DLC1: variants seen among roughly 807,000 people sequenced by gnomAD.
DLC1 encodes rho GTPase-activating protein 7.
A neutral mutation model predicts 140.3 loss-of-function variants in DLC1; 54 were observed. The ratio of observed to expected loss-of-function variants is 0.38; its 90% confidence interval spans 0.31 to 0.48. DLC1 has a LOEUF of 0.48. Among genes scored for constraint, DLC1 ranks in the 20% least tolerant of loss-of-function variants. DLC1 has a pLI of 0.96. For missense variants in DLC1, 2,536 were observed against 1,907.0 expected (o/e 1.33, Z -6.14); for synonymous variants, 986 against 728.1 (o/e 1.35, Z -5.70).
At chr8:13,431,373 C>T (rs994706966) in intron 2 of DLC1, among the ~76,000 whole-genome samples, 1 of 149,510 alleles carries the variant, frequency 6.7e-6, no homozygotes, top group East Asian at 2.0e-4. Flanking sequence ...GTCCCAGCTA[C>T]TCGGGAGGCT....
Position 13,453,450 on chromosome 8 carries a change from A to G in DLC1, c.1023+45599T>C, listed in dbSNP as rs191934057. Among the ~76,000 whole-genome samples, 136 of 25,840 alleles carry G rather than the reference A, an allele frequency of 5.3e-3. 3 individuals are homozygous for G. Among genetic ancestry groups the G allele is most frequent in the Non-Finnish European group, 7.4e-3 (109 of 14,770 alleles). The allele number at this position is 25,840 out of a possible 152,430, so 17.0% of individuals were successfully genotyped here. A position where few individuals can be genotyped will look rare whatever the true frequency, so the allele number is the denominator to read the frequency against. On this transcript the variant is annotated intron_variant, in intron 2 of 17. Transcript: ENST00000276297. ...TGTATATATATATGTATATATATAC[A>G]TATATATATGTATATATATACATAT... is the stretch of plus-strand genomic sequence containing the variant.
chr8:13,567,532 A>C, intron 1 of DLC1: 1 of 1,551,888 alleles, frequency 6.4e-7, no homozygotes, highest in Non-Finnish European at 8.7e-7. Context: ...CTTTAAAAAC[A>C]TGAGGACAAC....
intron 4 of DLC1, among the ~76,000 whole-genome samples, chr8:13,316,874 T>C (rs1006944628): frequency 1.3e-5 from 2 of 152,276 alleles, no homozygotes; most frequent in Middle Eastern, 3.4e-3. Context: ...ACTAATCCCT[T>C]CTCAAATAAT....
intron 2 of DLC1, among the ~76,000 whole-genome samples, chr8:13,484,691 G>A (rs540416250): frequency 1.3e-5 from 2 of 152,068 alleles, no homozygotes; most frequent in East Asian, 3.9e-4. Flanking sequence ...TGTTATCAGA[G>A]TGGCAATGAA....
At chr8:13,446,410 C>T (rs1798777973) in intron 2 of DLC1, among the ~76,000 whole-genome samples, 1 of 152,124 alleles carries the variant, frequency 6.6e-6, no homozygotes, top group Non-Finnish European at 1.5e-5. Context: ...CTTTTGAGTT[C>T]CACAGACCTT....
chr8:13,118,128 G>A (rs58510687), intron 5 of DLC1, among the ~76,000 whole-genome samples: 3,729 of 148,412 alleles, frequency 0.025, 206 homozygotes, highest in East Asian at 0.22. Context: ...TCCCACCTCC[G>A]CCTCCCAAGT....
chr8:13,099,619 C>T lies in DLC1; in HGVS notation c.2718G>A (p.Leu906=). 6.2e-7 allele frequency: 1 copy of T among 1,614,186 alleles called. No homozygotes were observed. The highest frequency in any genetic ancestry group is 1.1e-5 in the South Asian group (1 of 91,080). The stretch of plus-strand genomic sequence containing the variant: ...CCTTCACGTGGTAGAGGATGTCGTC[C>T]AGCTCGGGGAAGATGTCCTCGTTCT... ...DLENEDIFPE[L]DDILYHVKGM... Residue 906 remains leucine, a synonymous_variant, in exon 9 of 18, where the codon CTG becomes CTA. Coordinates refer to ENST00000276297, the MANE Select transcript of DLC1 (RefSeq NM_182643.3).
At chr8:13,417,972 G>C (rs1235423240) in intron 2 of DLC1, among the ~76,000 whole-genome samples, 1 of 152,178 alleles carries the variant, frequency 6.6e-6, no homozygotes, top group Admixed American at 6.5e-5. Context: ...CAGTGATGAT[G>C]AGCATTTTTT....
intron 2 of DLC1, among the ~76,000 whole-genome samples, chr8:13,497,090 G>A (rs1361173585): frequency 2.0e-5 from 3 of 152,022 alleles, no homozygotes; most frequent in Admixed American, 6.6e-5. Context: ...ATGAGACACC[G>A]CGCCTGGCCT....
intron 5 of DLC1, among the ~76,000 whole-genome samples, chr8:13,288,303 G>C (rs910106508): frequency 6.6e-6 from 1 of 152,052 alleles, no homozygotes; most frequent in African/African-American, 2.4e-5. Context: ...CTGCAGATGG[G>C]GCAATGTAAC....
chr8:13,279,739 T>C (rs1831300163), intron 5 of DLC1, among the ~76,000 whole-genome samples: 1 of 152,216 alleles, frequency 6.6e-6, no homozygotes, highest in South Asian at 2.1e-4. Context: ...TTTTAAATTA[T>C]TCTTACATTT....
At chr8:13,193,534 T>C (rs948320931) in intron 5 of DLC1, among the ~76,000 whole-genome samples, 1 of 152,156 alleles carries the variant, frequency 6.6e-6, no homozygotes, top group Non-Finnish European at 1.5e-5. Context: ...CTCCCACCAT[T>C]TCCTACTAAC....
intron 1 of DLC1, among the ~76,000 whole-genome samples, chr8:13,576,681 G>T (rs370126538): frequency 8.5e-5 from 13 of 152,090 alleles, no homozygotes; most frequent in African/African-American, 2.7e-4. Flanking sequence ...TTCTTTTTGG[G>T]AGCATTTGCG....
At chr8:13,174,224 C>T (rs1362299897) in intron 5 of DLC1, among the ~76,000 whole-genome samples, 4 of 152,180 alleles carry the variant, frequency 2.6e-5, no homozygotes, top group African/African-American at 9.7e-5. Flanking sequence ...CATACTGTTC[C>T]ATGGTGTATG....
At chr8:13,274,395 C>T (rs1831077452) in intron 5 of DLC1, among the ~76,000 whole-genome samples, 1 of 152,152 alleles carries the variant, frequency 6.6e-6, no homozygotes, top group East Asian at 1.9e-4. Context: ...TGAGTTACTT[C>T]AGAGGTCCAT....
rs547140103 is a variant in DLC1 at position 13,369,071 on chromosome 8, C to T, written c.1314+24482G>A. 3.9e-5 allele frequency among the ~76,000 whole-genome samples: 6 copies of T among 152,250 alleles called. No individual in the cohort carries two copies. In the East Asian group the frequency reaches 9.7e-4, roughly 25 times the overall value. On this transcript the variant is annotated intron_variant, in intron 4 of 17. Transcript: ENST00000276297. ...TCCTGACCTCAAATGATCTGATTGC[C>T]TCAGCCTTTGATGATGTTTAGAGAA...
At chr8:13,537,278 G>A (rs549173023) in intron 1 of DLC1, among the ~76,000 whole-genome samples, 1 of 152,280 alleles carries the variant, frequency 6.6e-6, no homozygotes, top group East Asian at 1.9e-4. Flanking sequence ...TTGTGTTCAG[G>A]TTCTGCCATT....
chr8:13,333,230 T>TC (rs1437308483), intron 4 of DLC1, among the ~76,000 whole-genome samples: 1 of 152,176 alleles, frequency 6.6e-6, no homozygotes, highest in Non-Finnish European at 1.5e-5. Flanking sequence ...CATCCTTTCT[T>TC]TTTTCTTTTC....
intron 4 of DLC1, among the ~76,000 whole-genome samples, chr8:13,319,033 G>C (rs1832978162): frequency 1.3e-5 from 2 of 152,318 alleles, no homozygotes; most frequent in South Asian, 4.1e-4. Context: ...TTAAAATAGA[G>C]CTGGCTTTTG....
Sources: allele counts gnomAD v4.1 joint callset (sites outside exome capture counted in the v4.1 genomes callset), GRCh38; gene constraint gnomAD v4.1.1; transcripts MANE v1.5; gene names NCBI Gene and HGNC (gene_info 2026-07-23, HGNC 2026-07-21).